Variants in ADAMTS6 observed in about 807,000 individuals in gnomAD.
The protein encoded by ADAMTS6 is A disintegrin and metalloproteinase with thrombospondin motifs 6.
ADAMTS6 carries 23 observed loss-of-function variants against 144.3 expected under a neutral mutation model. The observed-to-expected ratio is 0.16, with a 90% CI of 0.11 to 0.23. The LOEUF is 0.23. ADAMTS6 is among the 10% of genes least tolerant of loss of function. The pLI is 1.00. For missense variants in ADAMTS6, 999 were observed against 1,379.6 expected (o/e 0.72, Z 4.37); for synonymous variants, 444 against 457.5 (o/e 0.97, Z 0.38).
At chr5:65,164,042 T>C (rs1752968815) in intron 24 of ADAMTS6, among the ~76,000 whole-genome samples, 2 of 152,074 alleles carry the variant, frequency 1.3e-5, no homozygotes, top group Non-Finnish European at 2.9e-5. Context: ...GATGGCCGAA[T>C]AGGAACAGCT....
chr5:65,207,342 T>C (rs1233014576), intron 20 of ADAMTS6, among the ~76,000 whole-genome samples: 1 of 152,114 alleles, frequency 6.6e-6, no homozygotes, highest in Admixed American at 6.6e-5. Flanking sequence ...AGACTGTATA[T>C]TTAGAGCATA....
intron 7 of ADAMTS6, among the ~76,000 whole-genome samples, chr5:65,361,942 C>T (rs1203008725): frequency 6.6e-6 from 1 of 152,074 alleles, no homozygotes; most frequent in Admixed American, 6.6e-5. Flanking sequence ...ACCACATTGC[C>T]CAGGCTGGTC....
At chr5:65,160,368 G>T (rs915301198) in intron 24 of ADAMTS6, among the ~76,000 whole-genome samples, 1 of 150,490 alleles carries the variant, frequency 6.6e-6, no homozygotes, top group Non-Finnish European at 1.5e-5. Context: ...GTGCAGTGGC[G>T]CAATCTCGGC....
Position 65,196,965 on chromosome 5 carries a change from T to C in ADAMTS6, c.2705+57A>G. ...AAATATATTTCCAAACATGAATACA[T>C]AATGTTTTTCTCTTTGCACCTGAAG... On this transcript the variant is annotated intron_variant, in intron 21 of 24. Transcript: ENST00000381055. 5.7e-6 allele frequency: 9 copies of C among 1,575,626 alleles called. No individual in the cohort carries two copies. The South Asian group carries it at 7.1e-5, about 12-fold the overall frequency.
At chr5:65,458,484 T>A (rs1759396379) in intron 4 of ADAMTS6, among the ~76,000 whole-genome samples, 1 of 152,216 alleles carries the variant, frequency 6.6e-6, no homozygotes, top group Admixed American at 6.5e-5. Context: ...CAATCTGTGC[T>A]CACTGCAACC....
At chr5:65,257,342 A>G (rs1406255252) in intron 14 of ADAMTS6, among the ~76,000 whole-genome samples, 1 of 151,880 alleles carries the variant, frequency 6.6e-6, no homozygotes, top group African/African-American at 2.4e-5. Context: ...CTCACTTGTC[A>G]TATCTTTAAT....
At chr5:65,473,205 A>G (rs1760599553) in intron 2 of ADAMTS6, among the ~76,000 whole-genome samples, 1 of 152,156 alleles carries the variant, frequency 6.6e-6, no homozygotes, top group Non-Finnish European at 1.5e-5. Context: ...GTCCTGTATC[A>G]TAATTTATCT....
chr5:65,309,607 C>A (rs1242301961), intron 9 of ADAMTS6, among the ~76,000 whole-genome samples: 4 of 151,976 alleles, frequency 2.6e-5, no homozygotes, highest in Admixed American at 1.3e-4. Flanking sequence ...CACACACACA[C>A]ACACACACAC....
rs534548836 is a variant in ADAMTS6, at chr5:65,265,095, T to C, written c.1621-2133A>G. ...GAGCAGTGCTGAGCAATTATTTGTC[T>C]ATAAAAAATTAGGCAAGAGGAAGTT... On this transcript the variant is annotated intron_variant, in intron 12 of 24. Coordinates refer to ENST00000381055, the MANE Select transcript of ADAMTS6 (RefSeq NM_197941.4). Among the ~76,000 whole-genome samples, 1,195 of 152,210 alleles carry C rather than the reference T, an allele frequency of 7.9e-3. 12 individuals carry two copies. The highest frequency in any genetic ancestry group is 0.041 in the Middle Eastern group (12 of 294).
intron 22 of ADAMTS6, among the ~76,000 whole-genome samples, chr5:65,179,680 CT>C (rs1754214800): frequency 6.6e-6 from 1 of 151,654 alleles, no homozygotes; most frequent in African/African-American, 2.4e-5. Context: ...TCCTGTCCAC[CT>C]TCAGAAAAAA....
intron 24 of ADAMTS6, 71 bp from the exon 25 acceptor site, chr5:65,152,016 C>T: frequency 1.5e-6 from 2 of 1,336,542 alleles, no homozygotes; most frequent in East Asian, 4.7e-5. Context: ...AGCCGATGGG[C>T]CTGCATGTTC....
intron 7 of ADAMTS6, among the ~76,000 whole-genome samples, chr5:65,360,932 A>T (rs1042021478): frequency 1.5e-4 from 23 of 152,140 alleles, no homozygotes; most frequent in Non-Finnish European, 7.4e-5. Context: ...AATGCCCTAT[A>T]ACATGGGCTT....
intron 3 of ADAMTS6, among the ~76,000 whole-genome samples, chr5:65,462,514 G>A (rs1389723733): frequency 6.6e-6 from 1 of 152,106 alleles, no homozygotes; most frequent in African/African-American, 2.4e-5. Context: ...GCTCTTTGAC[G>A]TACCACTAAC....
At chr5:65,465,198 T>C (rs57606778) in intron 3 of ADAMTS6, among the ~76,000 whole-genome samples, 5,552 of 152,260 alleles carry the variant, frequency 0.036, 306 homozygotes, top group African/African-American at 0.12. Context: ...GGATAACTAT[T>C]TCATGTTTTC....
intron 24 of ADAMTS6, among the ~76,000 whole-genome samples, chr5:65,159,486 C>T (rs572953128): frequency 4.5e-4 from 69 of 152,292 alleles, no homozygotes; most frequent in Admixed American, 1.7e-3. Flanking sequence ...GCCTCCATGC[C>T]CCTGTGACTG....
chr5:65,172,523 A>C (rs1579955626), intron 23 of ADAMTS6, among the ~76,000 whole-genome samples: 2 of 152,214 alleles, frequency 1.3e-5, no homozygotes, highest in East Asian at 1.9e-4. Context: ...CTAGAATCCA[A>C]AGTTTTGGTA....
chr5:65,153,111 A>C (rs1752221162), intron 24 of ADAMTS6, among the ~76,000 whole-genome samples: 1 of 152,232 alleles, frequency 6.6e-6, no homozygotes, highest in East Asian at 1.9e-4. Flanking sequence ...TAAACATGGA[A>C]AATTAAGTAC....
intron 20 of ADAMTS6, among the ~76,000 whole-genome samples, chr5:65,208,004 G>A (rs1756237392): frequency 6.6e-6 from 1 of 152,174 alleles, no homozygotes; most frequent in Non-Finnish European, 1.5e-5. Context: ...CATGCCCAAG[G>A]CCAATGGCCA....
chr5:65,412,909 T>G (rs1755171085), intron 7 of ADAMTS6, among the ~76,000 whole-genome samples: 1 of 152,174 alleles, frequency 6.6e-6, no homozygotes, highest in Admixed American at 6.5e-5. Context: ...TACTTTACAA[T>G]TCTCTAATTA....
Sources: gnomAD v4.1 joint callset for allele counts (sites outside exome capture counted in the v4.1 genomes callset) on GRCh38, gnomAD v4.1.1 for gene constraint, MANE v1.5 for transcripts, NCBI Gene and HGNC (gene_info 2026-07-23, HGNC 2026-07-21) for gene names.